The following FRAS1 variants were observed in gnomAD, a reference collection of about 807,000 sequenced individuals.
FRAS1 encodes the protein Fraser extracellular matrix complex subunit 1, also known as extracellular matrix organizing protein FRAS1.
A neutral mutation model predicts 435.2 loss-of-function variants in FRAS1; 290 were observed. That is an observed-to-expected ratio of 0.67 (90% CI 0.61 to 0.73). FRAS1 has a LOEUF of 0.73. FRAS1 is among the 30% of genes least tolerant of loss of function. The pLI, the probability that FRAS1 is intolerant of heterozygous loss-of-function variation, is 0.00. For missense variants in FRAS1, 4,860 were observed against 5,001.5 expected (o/e 0.97, Z 0.85); for synonymous variants, 1,800 against 1,851.0 (o/e 0.97, Z 0.71).
At chr4:78,162,895 C>A (rs1721196680) in intron 2 of FRAS1, among the ~76,000 whole-genome samples, 1 of 152,186 alleles carries the variant, frequency 6.6e-6, no homozygotes, top group Non-Finnish European at 1.5e-5. Context: ...GTGGAATTAT[C>A]TAAGACAGGA....
At chr4:78,345,662 T>C (rs1262545932) in intron 20 of FRAS1, among the ~76,000 whole-genome samples, 1 of 152,134 alleles carries the variant, frequency 6.6e-6, no homozygotes, top group Non-Finnish European at 1.5e-5. Flanking sequence ...CTCTTATTGC[T>C]TGAATCATGA....
At chr4:78,476,036 T>G (rs1578346547) in intron 54 of FRAS1, among the ~76,000 whole-genome samples, 4 of 152,204 alleles carry the variant, frequency 2.6e-5, no homozygotes, top group South Asian at 2.1e-4. Flanking sequence ...TGAAGTGAAG[T>G]TTGAGAGAAG....
At chr4:78,456,770 C>G (rs530677030) in intron 47 of FRAS1, among the ~76,000 whole-genome samples, 1 of 152,276 alleles carries the variant, frequency 6.6e-6, no homozygotes, top group Non-Finnish European at 1.5e-5. Flanking sequence ...GGGATAAGCC[C>G]TGAACCAAAT....
At chr4:78,128,433 A>G (rs77536059) in intron 2 of FRAS1, among the ~76,000 whole-genome samples, 25,486 of 152,090 alleles carry the variant, frequency 0.17, 2,312 homozygotes, top group Admixed American at 0.21. Context: ...TGACTTTTTA[A>G]TGATCGCCAT....
chr4:78,432,626 G>A (rs2110390396), intron 38 of FRAS1, 22 bp downstream of exon 38: 1 of 1,541,368 alleles, frequency 6.5e-7, no homozygotes, highest in Non-Finnish European at 8.8e-7. Context: ...CATTTGCTGT[G>A]TTTGTTCTCC....
At chr4:78,338,811 G>T (rs1730283454) in intron 20 of FRAS1, among the ~76,000 whole-genome samples, 1 of 152,200 alleles carries the variant, frequency 6.6e-6, no homozygotes, top group Non-Finnish European at 1.5e-5. Context: ...GGTGGGGCGG[G>T]GCACAGCAAG....
chr4:78,139,202 G>A (rs1720054569), intron 2 of FRAS1, among the ~76,000 whole-genome samples: 1 of 152,200 alleles, frequency 6.6e-6, no homozygotes, highest in Non-Finnish European at 1.5e-5. Context: ...TGGGCAGGCT[G>A]ACAGGCAGCT....
At chr4:78,302,333 T>TA (rs1728454413) in intron 14 of FRAS1, among the ~76,000 whole-genome samples, 1 of 151,780 alleles carries the variant, frequency 6.6e-6, no homozygotes, top group South Asian at 2.1e-4. Flanking sequence ...CATGTGTCTT[T>TA]ATAGCAGCAT....
intron 2 of FRAS1, among the ~76,000 whole-genome samples, chr4:78,132,194 A>G (rs1385335000): frequency 6.6e-6 from 1 of 152,142 alleles, no homozygotes; most frequent in Non-Finnish European, 1.5e-5. Flanking sequence ...CCCCCTGCAG[A>G]GGATTTAGAA....
chr4:78,256,978 G>A (rs934133741), intron 6 of FRAS1, among the ~76,000 whole-genome samples: 1 of 152,004 alleles, frequency 6.6e-6, no homozygotes, highest in Non-Finnish European at 1.5e-5. Flanking sequence ...TCAAATTAGC[G>A]CTATTGTTGG....
At chr4:78,067,713 T>TATTATTATTATTA (rs1740115543) in intron 2 of FRAS1, among the ~76,000 whole-genome samples, 2 of 148,064 alleles carry the variant, frequency 1.4e-5, no homozygotes, top group South Asian at 2.1e-4. Flanking sequence ...TTATTATTAT[T>TATTATTATTATTA]TGTAAGATAG....
At chr4:78,395,667 T>C (rs1459273381) in intron 29 of FRAS1, among the ~76,000 whole-genome samples, 1 of 152,068 alleles carries the variant, frequency 6.6e-6, no homozygotes, top group South Asian at 2.1e-4. Flanking sequence ...GATATAAATA[T>C]AGGCATCTCT....
intron 19 of FRAS1, among the ~76,000 whole-genome samples, chr4:78,335,631 G>T (rs388825): frequency 0.096 from 14,642 of 152,182 alleles, 2,122 homozygotes; most frequent in African/African-American, 0.32. Flanking sequence ...GCTACCTTGG[G>T]TGTTAATGCA....
At chr4:78,510,332 A>G (rs28473345) in intron 63 of FRAS1, among the ~76,000 whole-genome samples, 49,358 of 151,994 alleles carry the variant, frequency 0.32, 8,660 homozygotes, top group South Asian at 0.52. Context: ...GATTTCTTCA[A>G]TTATTTATTT....
In FRAS1 at chr4:78,543,806, T is replaced by C. The variant is rs1722128316; in HGVS notation, c.*2682T>C. 1 of 152,256 alleles carries C rather than the reference T, an allele frequency of 6.6e-6. No homozygotes were observed. The highest frequency in any genetic ancestry group is 2.4e-5 in the African/African-American group (1 of 41,466). The allele number at this position is 152,256 out of a possible 1,614,324, so 9.4% of individuals were successfully genotyped here. On this transcript the variant is annotated 3_prime_UTR_variant, in exon 74 of 74. Transcript: ENST00000512123. ...AAAGCTCTGCTTTCAATTTCTCTGA[T>C]TTGCTCACTAATGCCTTGTGTGTGT...
At chr4:78,167,066 T>C (rs908353892) in intron 2 of FRAS1, among the ~76,000 whole-genome samples, 3 of 152,222 alleles carry the variant, frequency 2.0e-5, no homozygotes, top group Admixed American at 1.3e-4. Context: ...CGTAGTGCAT[T>C]TATTTGTTTC....
At chr4:78,194,980 T>C (rs563649767) in intron 2 of FRAS1, among the ~76,000 whole-genome samples, 1 of 152,348 alleles carries the variant, frequency 6.6e-6, no homozygotes, top group East Asian at 1.9e-4. Flanking sequence ...TGGTTAGTTT[T>C]CCTTCTAACA....
intron 2 of FRAS1, among the ~76,000 whole-genome samples, chr4:78,113,387 C>T (rs573495600): frequency 5.5e-4 from 84 of 152,176 alleles, no homozygotes; most frequent in African/African-American, 1.9e-3. Flanking sequence ...GTTCTAGATC[C>T]CTGAGGAATC....
chr4:78,465,765 G>A (rs1057268409), intron 49 of FRAS1, among the ~76,000 whole-genome samples: 3 of 152,210 alleles, frequency 2.0e-5, no homozygotes, highest in African/African-American at 7.2e-5. Context: ...GCCTTGGGAA[G>A]GATTTTATGC....
Sources: allele counts gnomAD v4.1 joint callset (sites outside exome capture counted in the v4.1 genomes callset), GRCh38; gene constraint gnomAD v4.1.1; transcripts MANE v1.5; gene names NCBI Gene and HGNC (gene_info 2026-07-23, HGNC 2026-07-21).